CSNK1G3: variants seen among roughly 807,000 people sequenced by gnomAD.
CSNK1G3 encodes the protein casein kinase 1 gamma 3.
A neutral mutation model predicts 64.3 loss-of-function variants in CSNK1G3; 23 were observed. The observed-to-expected ratio is 0.36, with a 90% confidence interval of 0.26 to 0.51. CSNK1G3 has a LOEUF of 0.51. Ranked by LOEUF, CSNK1G3 falls within the 20% of genes least tolerant of loss-of-function variation. The pLI is 0.96. For missense variants in CSNK1G3, 357 were observed against 510.5 expected, an observed-to-expected ratio of 0.70 and a Z score of 2.90; for synonymous variants, 158 against 162.2, an observed-to-expected ratio of 0.97 and a Z score of 0.20.
At chr5:123,600,602 G>A (rs1345063544) in intron 10 of CSNK1G3, among the ~76,000 whole-genome samples, 1 of 150,250 alleles carries the variant, frequency 6.7e-6, no homozygotes, top group Non-Finnish European at 1.5e-5. Context: ...TTCAGCCTGG[G>A]TGACCGAATA....
intron 1 of CSNK1G3, among the ~76,000 whole-genome samples, chr5:123,535,255 A>T (rs2150136587): frequency 6.6e-6 from 1 of 152,222 alleles, no homozygotes; most frequent in South Asian, 2.1e-4. Flanking sequence ...GGATTCCTAT[A>T]CCATTTTATT....
intron 5 of CSNK1G3, among the ~76,000 whole-genome samples, chr5:123,574,198 C>A (rs1400589695): frequency 6.6e-6 from 1 of 152,106 alleles, no homozygotes. Flanking sequence ...CCTGGAAAAA[C>A]AAGAGGCAGA....
At chr5:123,572,193 A>T (rs112076194) in intron 4 of CSNK1G3, among the ~76,000 whole-genome samples, 1 of 152,030 alleles carries the variant, frequency 6.6e-6, no homozygotes, top group African/African-American at 2.4e-5. Context: ...ATATATATAT[A>T]TGTGTGAGAA....
chr5:123,526,219 TTTA>T (rs1447257752), intron 1 of CSNK1G3, among the ~76,000 whole-genome samples: 4 of 151,666 alleles, frequency 2.6e-5, no homozygotes, highest in African/African-American at 7.2e-5. Flanking sequence ...ATTTAATTTA[TTTA>T]TTATTATTAT....
intron 1 of CSNK1G3, among the ~76,000 whole-genome samples, chr5:123,543,604 T>C (rs1782040911): frequency 6.6e-6 from 1 of 152,208 alleles, no homozygotes; most frequent in Admixed American, 6.5e-5. Context: ...GATCACTGTG[T>C]GTTGCCTGAG....
chr5:123,598,076 A>G lies in CSNK1G3; in HGVS notation c.1087-6648A>G, dbSNP rs1793769064. ...TCATGTTAAGTCACTAGCTAAAAAG[A>G]TACAGCTGTACGTTTGATAAACTTT... On this transcript the variant is annotated intron_variant, in intron 10 of 12. Transcript: ENST00000345990. 2.6e-5 allele frequency among the ~76,000 whole-genome samples: 4 copies of G among 152,184 alleles called. No homozygotes were observed. The South Asian group carries it at 8.3e-4, about 31-fold the overall frequency.
At chr5:123,525,724 T>A (rs942080957) in intron 1 of CSNK1G3, among the ~76,000 whole-genome samples, 20 of 152,032 alleles carry the variant, frequency 1.3e-4, no homozygotes, top group Non-Finnish European at 2.9e-4. Context: ...CTGGGCGCGG[T>A]GGCTTATGCC....
intron 1 of CSNK1G3, among the ~76,000 whole-genome samples, chr5:123,536,439 T>TA (rs201935606): frequency 0.088 from 13,192 of 149,294 alleles, 611 homozygotes; most frequent in South Asian, 0.12. Context: ...TTTTTTTTTT[T>TA]TAAAAAAAAA....
At position 123,572,794 on chromosome 5, in the gene CSNK1G3, G is replaced by A. The variant is rs1042773713; in HGVS notation, c.290-599G>A. 2.0e-5 allele frequency among the ~76,000 whole-genome samples: 3 copies of A among 152,210 alleles called. No individual in the cohort carries two copies. The East Asian group carries it at 5.8e-4, about 29-fold the overall frequency. On this transcript the variant is annotated intron_variant, in intron 4 of 12. Transcript: ENST00000345990. ...AGACTATCTTTTTAAAGTCTCACCT[G>A]AATAGGTCAGGTCCACCAGGATTCT...
At chr5:123,591,291 A>G (rs756138643) in intron 9 of CSNK1G3, 28 bp from the exon 10 acceptor site, 3 of 1,396,746 alleles carry the variant, frequency 2.1e-6, no homozygotes, top group East Asian at 4.9e-5. Context: ...AATGGAATGT[A>G]TTGATACCAA....
intron 1 of CSNK1G3, among the ~76,000 whole-genome samples, chr5:123,540,718 C>G (rs2013279): frequency 1.3e-5 from 2 of 152,000 alleles, no homozygotes; most frequent in Non-Finnish European, 2.9e-5. Flanking sequence ...TTGCAACCTC[C>G]GCCTCCCAGG....
At chr5:123,533,300 G>C (rs1780240220) in intron 1 of CSNK1G3, among the ~76,000 whole-genome samples, 1 of 151,780 alleles carries the variant, frequency 6.6e-6, no homozygotes, top group African/African-American at 2.4e-5. Context: ...TGTCAAGGTT[G>C]GTTAAATTTA....
At chr5:123,578,490 A>T (rs1046536229) in intron 6 of CSNK1G3, among the ~76,000 whole-genome samples, 3 of 151,862 alleles carry the variant, frequency 2.0e-5, no homozygotes, top group Non-Finnish European at 4.4e-5. Flanking sequence ...AGAGTTCTTT[A>T]TATATTCTGG....
At chr5:123,551,714 C>T (rs1033998634) in intron 2 of CSNK1G3, among the ~76,000 whole-genome samples, 16 of 152,092 alleles carry the variant, frequency 1.1e-4, no homozygotes, top group Admixed American at 1.0e-3. Context: ...GCTGGAAAAT[C>T]ACATGTGTCA....
intron 5 of CSNK1G3, among the ~76,000 whole-genome samples, chr5:123,574,941 T>G (rs1788882377): frequency 6.6e-6 from 1 of 152,176 alleles, no homozygotes; most frequent in Non-Finnish European, 1.5e-5. Context: ...CATAGAATAT[T>G]GTACATTATA....
intron 1 of CSNK1G3, 118 bp downstream of exon 1, chr5:123,512,688 T>TGCGGC (rs1408359448): frequency 2.1e-5 from 3 of 140,120 alleles, no homozygotes; most frequent in African/African-American, 7.9e-5. Context: ...TGGGGTGGGG[T>TGCGGC]GCGGCGGGGG....
intron 4 of CSNK1G3, among the ~76,000 whole-genome samples, chr5:123,557,849 T>C (rs1029913257): frequency 1.3e-5 from 2 of 152,198 alleles, no homozygotes; most frequent in African/African-American, 2.4e-5. Flanking sequence ...GGCACTATTA[T>C]AGCTGTTGAA....
At chr5:123,520,848 C>T (rs1777971710) in intron 1 of CSNK1G3, among the ~76,000 whole-genome samples, 1 of 151,850 alleles carries the variant, frequency 6.6e-6, no homozygotes, top group Admixed American at 6.6e-5. Flanking sequence ...TTCAGAATTT[C>T]CTTTAGTAAA....
intron 10 of CSNK1G3, among the ~76,000 whole-genome samples, chr5:123,599,718 T>G (rs769166504): frequency 2.9e-4 from 44 of 152,146 alleles, no homozygotes; most frequent in Non-Finnish European, 2.1e-4. Flanking sequence ...TTCATAGTTT[T>G]CTGGGGTACT....
Sources: allele counts gnomAD v4.1 joint callset (sites outside exome capture counted in the v4.1 genomes callset), GRCh38; gene constraint gnomAD v4.1.1; transcripts MANE v1.5; gene names NCBI Gene and HGNC (gene_info 2026-07-23, HGNC 2026-07-21).